The following PPM1D variants were observed in gnomAD, a reference collection of about 807,000 sequenced individuals.
The protein encoded by PPM1D is protein phosphatase 1D.
A neutral mutation model predicts 58.3 loss-of-function variants in PPM1D; 52 were observed. The ratio of observed to expected loss-of-function variants is 0.89; its 90% CI spans 0.71 to 1.12. PPM1D has a LOEUF of 1.12. Among genes scored for constraint, PPM1D ranks in the 50% most tolerant of loss-of-function variants. The pLI, the probability that PPM1D is intolerant of heterozygous loss-of-function variation, is 0.00. For synonymous variants in PPM1D, 278 were observed against 285.1 expected, an observed-to-expected ratio of 0.98 and a Z score of 0.25; for missense variants, 564 against 777.2, an observed-to-expected ratio of 0.73 and a Z score of 3.26.
At chr17:60,608,329 G>A (rs1380894418) in intron 1 of PPM1D, among the ~76,000 whole-genome samples, 2 of 152,094 alleles carry the variant, frequency 1.3e-5, no homozygotes, top group Non-Finnish European at 2.9e-5. Flanking sequence ...GATGTAAAAT[G>A]ATTAAACAAA....
chr17:60,603,110 A>G (rs372196115), intron 1 of PPM1D, among the ~76,000 whole-genome samples: 6 of 152,274 alleles, frequency 3.9e-5, no homozygotes, highest in East Asian at 3.9e-4. Context: ...TATATCCATC[A>G]TGTAGATTCC....
intron 1 of PPM1D, among the ~76,000 whole-genome samples, chr17:60,618,000 C>G (rs2030619850): frequency 6.6e-6 from 1 of 152,206 alleles, no homozygotes; most frequent in Non-Finnish European, 1.5e-5. Context: ...AGTTTCACCA[C>G]TTTTCTCTAA....
At position 60,602,797 on chromosome 17, in the gene PPM1D, A is replaced by AAAAAC. The variant is rs1555643763; in HGVS notation, c.472+1914_472+1915insACAAA. ...AAAGCTTGAAAAAAAAAAAAAAAAA[A>AAAAAC]AAAGTATGCTAATTATTTTGGGAGT... On this transcript the variant is annotated intron_variant, in intron 1 of 5. Coordinates refer to ENST00000305921, the MANE Select transcript of PPM1D (RefSeq NM_003620.4). 4.7e-5 allele frequency among the ~76,000 whole-genome samples: 7 copies of AAAAAC among 149,476 alleles called. No homozygotes were observed. The South Asian group carries it at 8.4e-4, about 18-fold the overall frequency.
At chr17:60,639,560 C>T (rs2031094202) in intron 3 of PPM1D, among the ~76,000 whole-genome samples, 1 of 152,154 alleles carries the variant, frequency 6.6e-6, no homozygotes, top group African/African-American at 2.4e-5. Context: ...GCCTCCATCT[C>T]CCAAGTAGCT....
chr17:60,600,381 T>A lies in PPM1D; in HGVS notation c.-34T>A. 1 of 1,540,784 alleles carries A rather than the reference T, an allele frequency of 6.5e-7. No individual in the cohort carries two copies. Among genetic ancestry groups the A allele is most frequent in the Non-Finnish European group, 8.7e-7 (1 of 1,143,590 alleles). On this transcript the variant is annotated 5_prime_UTR_variant, in exon 1 of 6. Coordinates refer to ENST00000305921, the MANE Select transcript of PPM1D (RefSeq NM_003620.4). ...TCTCCCGCCGCCGGATTCGGCGGGC[T>A]GCGTGGGACCGGCGGGATCCCGGCC... is the stretch of plus-strand genomic sequence containing the variant.
At chr17:60,637,268 T>G (rs1423492097) in intron 3 of PPM1D, among the ~76,000 whole-genome samples, 2 of 152,148 alleles carry the variant, frequency 1.3e-5, no homozygotes, top group Non-Finnish European at 1.5e-5. Flanking sequence ...TTTGTTTTTT[T>G]GAGATGAGGT....
chr17:60,602,465 G>T (rs1198125252), intron 1 of PPM1D, among the ~76,000 whole-genome samples: 1 of 151,690 alleles, frequency 6.6e-6, no homozygotes, highest in Non-Finnish European at 1.5e-5. Context: ...CGGGGGACGG[G>T]TGTGGGCCGC....
At chr17:60,639,586 C>T (rs553404803) in intron 3 of PPM1D, among the ~76,000 whole-genome samples, 3 of 152,258 alleles carry the variant, frequency 2.0e-5, no homozygotes, top group African/African-American at 7.2e-5. Context: ...TACAGGCGCA[C>T]GCCACTGCAC....
intron 1 of PPM1D, among the ~76,000 whole-genome samples, chr17:60,615,534 TAAGG>T (rs1275597468): frequency 1.3e-5 from 2 of 152,056 alleles, no homozygotes; most frequent in African/African-American, 4.8e-5. Flanking sequence ...ATACTATAGT[TAAGG>T]AAGACAACAT....
chr17:60,603,494 G>A (rs570304517), intron 1 of PPM1D, among the ~76,000 whole-genome samples: 1 of 152,286 alleles, frequency 6.6e-6, no homozygotes, highest in South Asian at 2.1e-4. Flanking sequence ...TGAATGGCCG[G>A]GCGCACGCCT....
At chr17:60,630,043 A>AAAAAT (rs1238856148) in intron 2 of PPM1D, among the ~76,000 whole-genome samples, 1 of 150,314 alleles carries the variant, frequency 6.7e-6, no homozygotes, top group African/African-American at 2.5e-5. Context: ...CTGTCTCAAA[A>AAAAAT]AAAATAAAAT....
In PPM1D at chr17:60,632,173, G is replaced by A. The variant is rs1402265926; in HGVS notation, c.702-1680G>A. Among the ~76,000 whole-genome samples, 3 of 151,506 alleles carry A rather than the reference G, an allele frequency of 2.0e-5. No individual in the cohort carries two copies. The South Asian group carries it at 6.2e-4, about 32-fold the overall frequency. ...CGCACCACTGCACTCCAGCCTGGGTGACAGAGCCAGACTCTGTCTCAAAAA... is the reference window on the plus strand; with the variant it reads ...CGCACCACTGCACTCCAGCCTGGGTAACAGAGCCAGACTCTGTCTCAAAAA... On this transcript the variant is annotated intron_variant, in intron 2 of 5. Transcript: ENST00000305921.
At chr17:60,643,971 G>A (rs1034920391) in intron 3 of PPM1D, among the ~76,000 whole-genome samples, 8 of 131,142 alleles carry the variant, frequency 6.1e-5, no homozygotes, top group African/African-American at 8.5e-5. Context: ...TGCTATGTCC[G>A]CTTTCTGGGG....
intron 1 of PPM1D, among the ~76,000 whole-genome samples, chr17:60,622,015 G>A (rs1308247486): frequency 5.3e-5 from 8 of 150,774 alleles, no homozygotes; most frequent in South Asian, 2.1e-4. Context: ...GTGAAACCCC[G>A]TCTCTACTAA....
intron 3 of PPM1D, among the ~76,000 whole-genome samples, chr17:60,645,582 A>ATATGTATATATGTG (rs1555647684): frequency 7.7e-6 from 1 of 129,754 alleles, no homozygotes; most frequent in Admixed American, 7.8e-5. Context: ...GTATATATAT[A>ATATGTATATATGTG]TGTGTGTATA....
At chr17:60,625,227 AC>A (rs1351244712) in intron 2 of PPM1D, among the ~76,000 whole-genome samples, 8 of 152,232 alleles carry the variant, frequency 5.3e-5, no homozygotes, top group Non-Finnish European at 1.2e-4. Context: ...AGTTTGAACA[AC>A]AAAAAAATGC....
In PPM1D at chr17:60,623,664, G is replaced by T; in HGVS notation, c.616G>T (p.Asp206Tyr). The change falls in exon 2 of 6, where the codon GAC becomes TAC. Residue 206 changes from aspartate to tyrosine, a missense_variant. Asp to Tyr is a radical substitution (Grantham distance 160). Around this residue, in one of 7 missense-constraint regions of PPM1D, gnomAD observed 95 missense variants for 232.6 expected, o/e 0.41. Transcript: ENST00000305921. Reference protein sequence around the residue: ...VLGIQDDPKDDFVRAVEVTQD... With the variant: ...VLGIQDDPKDYFVRAVEVTQD... ...TGGAATTCAGGATGACCCGAAGGAT[G>T]ACTTTGTCAGAGCTGTGGAGGTGAC... 6.2e-7 allele frequency: 1 copy of T among 1,614,198 alleles called. No individual in the cohort carries two copies. Among genetic ancestry groups the T allele is most frequent in the Non-Finnish European group, 8.5e-7 (1 of 1,180,034 alleles).
At chr17:60,655,409 C>T (rs992365065) in intron 4 of PPM1D, among the ~76,000 whole-genome samples, 3 of 152,192 alleles carry the variant, frequency 2.0e-5, no homozygotes, top group East Asian at 1.9e-4. Flanking sequence ...AGTGCAGTGG[C>T]GTGATCTCGG....
At position 60,663,235 on chromosome 17, in the gene PPM1D, A is replaced by G. The variant is rs61757742; in HGVS notation, c.1501A>G (p.Thr501Ala). The G allele has an allele frequency of 5.0e-4, 809 of 1,614,176 alleles. 1 individual carries two copies. In the African/African-American group the frequency reaches 9.3e-3, roughly 19 times the overall value. ...NNSLPIGLVP[T>A]NSTNTVMDQK... ...TAGCCTTCCAATTGGCCTTGTGCCT[A>G]CTAATTCAACAAACACTGTCATGGA... Residue 501 changes from threonine (T) to alanine (A), a missense_variant, in exon 6 of 6, where the codon ACT becomes GCT. Thr to Ala is a moderately conservative substitution (Grantham distance 58). Around this residue, in one of 7 missense-constraint regions of PPM1D, gnomAD observed 261 missense variants for 270.1 expected, o/e 0.97. Transcript: ENST00000305921.
Sources: allele counts gnomAD v4.1 joint callset (sites outside exome capture counted in the v4.1 genomes callset), GRCh38; gene constraint gnomAD v4.1.1; regional missense constraint gnomAD v4.1.1; transcripts MANE v1.5; gene names NCBI Gene and HGNC (gene_info 2026-07-23, HGNC 2026-07-21).